Variants in MIR2052HG observed in about 807,000 individuals in gnomAD.
The protein encoded by MIR2052HG is MIR2052 host gene.
chr8:74,647,972 T>C (rs1036292106), intron 2 of MIR2052HG, among the ~76,000 whole-genome samples: 7 of 152,100 alleles, frequency 4.6e-5, no homozygotes, highest in Non-Finnish European at 1.0e-4. Flanking sequence ...ATTGTACAAA[T>C]TGATTGTAAA....
At chr8:74,665,484 C>T (rs1011170357) in intron 2 of MIR2052HG, among the ~76,000 whole-genome samples, 1 of 152,162 alleles carries the variant, frequency 6.6e-6, no homozygotes, top group South Asian at 2.1e-4. Flanking sequence ...CCAATGACCT[C>T]CCCAAAATGC....
intron 2 of MIR2052HG, among the ~76,000 whole-genome samples, chr8:74,690,956 TC>T (rs1809233849): frequency 1.3e-5 from 2 of 152,170 alleles, no homozygotes; most frequent in Non-Finnish European, 2.9e-5. Context: ...TGACGTTTAT[TC>T]ACTGAGTCCC....
chr8:74,745,518 A>G (rs1459064695), intron 4 of MIR2052HG, among the ~76,000 whole-genome samples: 1 of 152,142 alleles, frequency 6.6e-6, no homozygotes, highest in East Asian at 1.9e-4. Flanking sequence ...CAGAATCTCC[A>G]TGGCAGGCAT....
intron 4 of MIR2052HG, among the ~76,000 whole-genome samples, chr8:74,738,145 C>CTA (rs1328459618): frequency 6.6e-6 from 1 of 151,778 alleles, no homozygotes; most frequent in Admixed American, 6.6e-5. Context: ...ATCTATCTAT[C>CTA]TATCCATCTA....
intron 5 of MIR2052HG, chr8:74,757,901 T>G (rs1032833189): frequency 1.1e-4 from 16 of 152,104 alleles, no homozygotes; most frequent in Non-Finnish European, 2.4e-4. Context: ...CCAAAAAATG[T>G]CAGCCCAACC....
chr8:74,660,683 G>T (rs1336208337), intron 2 of MIR2052HG, among the ~76,000 whole-genome samples: 1 of 152,206 alleles, frequency 6.6e-6, no homozygotes, highest in African/African-American at 2.4e-5. Context: ...TGTCTAATCT[G>T]TCTGGATTTT....
intron 2 of MIR2052HG, among the ~76,000 whole-genome samples, chr8:74,635,553 C>T (rs1003607943): frequency 1.2e-4 from 18 of 152,022 alleles, no homozygotes; most frequent in African/African-American, 3.9e-4. Flanking sequence ...TGGCTAGAGT[C>T]GAGGGAAATA....
chr8:74,601,071 G>C (rs902889877), intron 1 of MIR2052HG, among the ~76,000 whole-genome samples: 30 of 152,168 alleles, frequency 2.0e-4, no homozygotes, highest in African/African-American at 7.2e-4. Flanking sequence ...GGAATAAGGG[G>C]ATTCATAAAG....
At chr8:74,657,287 GGGA>G (rs1488948121) in intron 2 of MIR2052HG, among the ~76,000 whole-genome samples, 1 of 152,148 alleles carries the variant, frequency 6.6e-6, no homozygotes, top group East Asian at 1.9e-4. Context: ...AGTGAGGATG[GGGA>G]GGAGAAGAAA....
At chr8:74,646,388 C>T (rs957460684) in intron 2 of MIR2052HG, among the ~76,000 whole-genome samples, 1 of 152,104 alleles carries the variant, frequency 6.6e-6, no homozygotes, top group African/African-American at 2.4e-5. Context: ...ATAATCCATA[C>T]TGGTGTTTGA....
chr8:74,647,799 T>A (rs1332460356), intron 2 of MIR2052HG, among the ~76,000 whole-genome samples: 1 of 152,214 alleles, frequency 6.6e-6, no homozygotes, highest in African/African-American at 2.4e-5. Context: ...TAATTCCTTA[T>A]GCCTGTCTTT....
chr8:74,617,002 C>G (rs752656959), intron 2 of MIR2052HG, among the ~76,000 whole-genome samples: 2 of 152,112 alleles, frequency 1.3e-5, no homozygotes, highest in Non-Finnish European at 2.9e-5. Flanking sequence ...AGTTTACATT[C>G]CATGAACATC....
intron 5 of MIR2052HG, chr8:74,756,698 A>G (rs1423848196): frequency 6.6e-6 from 1 of 152,146 alleles, no homozygotes; most frequent in Non-Finnish European, 1.5e-5. Context: ...AAAGAAAACC[A>G]AATGGACAGT....
intron 2 of MIR2052HG, among the ~76,000 whole-genome samples, chr8:74,633,740 C>A (rs1167244525): frequency 6.6e-6 from 1 of 152,150 alleles, no homozygotes; most frequent in Admixed American, 6.5e-5. Context: ...TAACTTAGTT[C>A]TAGGCTTATA....
chr8:74,630,748 T>C (rs901683677), intron 2 of MIR2052HG, among the ~76,000 whole-genome samples: 1 of 152,174 alleles, frequency 6.6e-6, no homozygotes. Flanking sequence ...TCTAGTTTGC[T>C]CTACATTAAC....
At chr8:74,671,351 G>A (rs1328239384) in intron 2 of MIR2052HG, among the ~76,000 whole-genome samples, 6 of 152,012 alleles carry the variant, frequency 3.9e-5, no homozygotes, top group Admixed American at 6.6e-5. Context: ...GTTGACCAGA[G>A]CTGATTCTGT....
At chr8:74,724,623 A>G (rs187576608) in intron 4 of MIR2052HG, among the ~76,000 whole-genome samples, 7 of 152,326 alleles carry the variant, frequency 4.6e-5, no homozygotes, top group South Asian at 2.1e-4. Flanking sequence ...TAACTATGCT[A>G]TAGAATTTAA....
At chr8:74,696,172 C>T (rs934770285) in intron 2 of MIR2052HG, among the ~76,000 whole-genome samples, 2 of 152,058 alleles carry the variant, frequency 1.3e-5, no homozygotes, top group Admixed American at 6.6e-5. Context: ...AAAAGGAACC[C>T]TCAAAACCAT....
chr8:74,619,317 C>T (rs1028667702), intron 2 of MIR2052HG, among the ~76,000 whole-genome samples: 2 of 152,072 alleles, frequency 1.3e-5, no homozygotes, highest in African/African-American at 4.8e-5. Context: ...CCAAAGCAAT[C>T]TACAGCAAAA....
Sources: allele counts gnomAD v4.1 joint callset (sites outside exome capture counted in the v4.1 genomes callset), GRCh38; gene constraint gnomAD v4.1.1; transcripts MANE v1.5; gene names NCBI Gene and HGNC (gene_info 2026-07-23, HGNC 2026-07-21).